Variants in DHRS4 observed in about 807,000 individuals in gnomAD.
DHRS4 encodes the protein dehydrogenase/reductase SDR family member 4.
In DHRS4, 20 loss-of-function variants were observed where a neutral mutation model predicts 28.4. The ratio of observed to expected loss-of-function variants is 0.71; its 90% CI spans 0.50 to 1.02. DHRS4 has a LOEUF of 1.02. DHRS4 is among the 50% of genes least tolerant of loss of function. The pLI is 0.00. For missense variants in DHRS4, 378 were observed against 367.2 expected, an observed-to-expected ratio of 1.03 and a Z score of -0.24; for synonymous variants, 144 against 146.4, an observed-to-expected ratio of 0.98 and a Z score of 0.12.
intron 2 of DHRS4, among the ~76,000 whole-genome samples, chr14:23,958,859 A>C (rs2033282653): frequency 1.3e-5 from 2 of 152,176 alleles, no homozygotes; most frequent in South Asian, 4.1e-4. Context: ...CAGAATAAGC[A>C]GGCCTCCTGT....
At chr14:23,961,416 TTC>T (rs2033408149) in intron 3 of DHRS4, among the ~76,000 whole-genome samples, 1 of 130,096 alleles carries the variant, frequency 7.7e-6, no homozygotes, top group African/African-American at 4.2e-5. Flanking sequence ...TCAAAATAAC[TTC>T]TCTTTCTTAA....
Position 23,966,267 on chromosome 14 carries a change from T to A in DHRS4, c.532-16T>A, listed in dbSNP as rs2033613935. On this transcript the variant is annotated splice_polypyrimidine_tract_variant and intron_variant, in intron 5 of 7. Transcript: ENST00000313250. ...CCTGGAAACTATGAGTCTAACACAT[T>A]CTCTTCTTTCTCCAGGGCTTCAGTC... 6.2e-7 allele frequency: 1 copy of A among 1,608,068 alleles called. No individual in the cohort carries two copies. Among genetic ancestry groups the A allele is most frequent in the Non-Finnish European group, 8.5e-7 (1 of 1,177,202 alleles).
chr14:23,966,065 T>A, intron 5 of DHRS4, 82 bp downstream of exon 5: 1 of 1,606,774 alleles, frequency 6.2e-7, no homozygotes, highest in Non-Finnish European at 8.5e-7. Flanking sequence ...AGGAAGTTTG[T>A]GTCCCCTTGT....
intron 2 of DHRS4, among the ~76,000 whole-genome samples, chr14:23,956,147 A>G (rs2033133939): frequency 1.3e-5 from 2 of 152,260 alleles, no homozygotes; most frequent in South Asian, 4.1e-4. Flanking sequence ...TGCATTGGAA[A>G]GAGCCAAATA....
intron 1 of DHRS4, among the ~76,000 whole-genome samples, chr14:23,954,625 C>T (rs1341081050): frequency 7.9e-5 from 12 of 152,194 alleles, no homozygotes; most frequent in Non-Finnish European, 1.5e-5. Context: ...CAAAAAATAA[C>T]TAAGGATAGA....
chr14:23,969,034 T>A lies in DHRS4; in HGVS notation c.*163T>A. On this transcript the variant is annotated 3_prime_UTR_variant, in exon 8 of 8. Coordinates refer to ENST00000313250, the MANE Select transcript of DHRS4 (RefSeq NM_021004.4). ...AGCCTTCCCTGCCGTCAAGGTGGCG[T>A]CTTACTCGGGATTTCTGCTGTTGTT... 1 of 1,338,142 alleles carries A rather than the reference T, an allele frequency of 7.5e-7. No individual in the cohort carries two copies. Among genetic ancestry groups the A allele is most frequent in the Non-Finnish European group, 9.9e-7 (1 of 1,008,570 alleles). 82.9% of individuals were successfully genotyped at this position (1,338,142 alleles called of 1,614,324 possible).
At chr14:23,955,006 T>A (rs2033048475) in intron 1 of DHRS4, 29 bp from the exon 2 acceptor site, 1 of 1,613,776 alleles carries the variant, frequency 6.2e-7, no homozygotes, top group African/African-American at 1.3e-5. Context: ...GCACAGGCCT[T>A]AGCAGTCTTT....
At chr14:23,960,671 GTCTT>G (rs1385906788) in intron 3 of DHRS4, among the ~76,000 whole-genome samples, 1 of 151,816 alleles carries the variant, frequency 6.6e-6, no homozygotes, top group Non-Finnish European at 1.5e-5. Flanking sequence ...TAAAATATTT[GTCTT>G]TGTTTATTAA....
In DHRS4 at chr14:23,959,535, A is replaced by G. The variant is rs192353781; in HGVS notation, c.307-367A>G. 2.9e-3 allele frequency among the ~76,000 whole-genome samples: 445 copies of G among 152,284 alleles called. 9 individuals carry two copies. The highest frequency in any genetic ancestry group is 0.026 in the Admixed American group (401 of 15,296). The stretch of plus-strand genomic sequence containing the variant: ...AACATGCCACTGTGCTCCAGTCTGG[A>G]TGACAGAGCAAGACTCCGTCTAAAA... On this transcript the variant is annotated intron_variant, in intron 2 of 7. Transcript: ENST00000313250.
intron 1 of DHRS4, chr14:23,954,220 G>T: frequency 6.5e-6 from 2 of 307,288 alleles, no homozygotes; most frequent in Non-Finnish European, 1.2e-5. Context: ...CTAGCGTCTG[G>T]GAAGACCAGA....
Position 23,968,779 on chromosome 14 carries a change from G to A in DHRS4, c.745G>A (p.Ala249Thr), listed in dbSNP as rs1172996741. 2.5e-6 allele frequency: 4 copies of A among 1,604,650 alleles called. No homozygotes were observed. The African/African-American group carries it at 4.0e-5, about 16-fold the overall frequency. Reference protein sequence around the residue: ...IRRLGEPEDCAGIVSFLCSED... With the variant: ...IRRLGEPEDCTGIVSFLCSED... ...CAGGTTAGGCGAGCCAGAGGATTGT[G>A]CTGGCATCGTGTCTTTCCTGTGCTC... Residue 249 changes from alanine (A) to threonine (T), a missense_variant, in exon 8 of 8, where the codon GCT becomes ACT. Physicochemically the swap from Ala to Thr is moderately conservative, Grantham distance 58. Transcript: ENST00000313250.
At chr14:23,966,050 A>G (rs1052833239) in intron 5 of DHRS4, 67 bp downstream of exon 5, 17 of 1,607,428 alleles carry the variant, frequency 1.1e-5, no homozygotes, top group Non-Finnish European at 1.4e-5. Context: ...CCCTCCTATT[A>G]CCCAAGGAAG....
intron 6 of DHRS4, 59 bp downstream of exon 6, chr14:23,966,476 G>C (rs1472926821): frequency 1.6e-5 from 26 of 1,604,104 alleles, no homozygotes; most frequent in African/African-American, 5.4e-5. Flanking sequence ...CATCTTCTTG[G>C]ACAGGGAAGC....
At position 23,955,107 on chromosome 14, in the gene DHRS4, G is replaced by C. The variant is rs758950587; in HGVS notation, c.201G>C (p.Gln67His). The change falls in exon 2 of 8, where the codon CAG (glutamine) becomes CAC (histidine). Residue 67 changes from glutamine to histidine, a missense_variant. By Grantham distance (24) the Gln-to-His change is conservative. Transcript: ENST00000313250. ...TGGTCGTCAGCAGCCGGAAGCAGCA[G>C]AATGTGGACCAGGCGGTGGCCACGC... Reference protein sequence around the residue: ...AHVVVSSRKQQNVDQAVATLQ... With the variant: ...AHVVVSSRKQHNVDQAVATLQ... The C allele has an allele frequency of 1.6e-5, 26 of 1,614,056 alleles. No individual in the cohort carries two copies. Among genetic ancestry groups the C allele is most frequent in the Non-Finnish European group, 2.1e-5 (25 of 1,180,000 alleles).
At chr14:23,958,649 A>C (rs940418326) in intron 2 of DHRS4, among the ~76,000 whole-genome samples, 6 of 152,158 alleles carry the variant, frequency 3.9e-5, no homozygotes, top group African/African-American at 1.4e-4. Context: ...ATCATAACCA[A>C]ATATGGAATT....
intron 3 of DHRS4, among the ~76,000 whole-genome samples, chr14:23,964,220 T>TA (rs71119059): frequency 0.037 from 1,256 of 34,378 alleles, 187 homozygotes; most frequent in Non-Finnish European, 0.053. Flanking sequence ...CTGCAATTTG[T>TA]AAAAAAAAAA....
intron 3 of DHRS4, among the ~76,000 whole-genome samples, chr14:23,964,051 TA>T (rs1202632919): frequency 6.6e-6 from 1 of 150,886 alleles, no homozygotes; most frequent in East Asian, 1.9e-4. Flanking sequence ...ACAATTATAA[TA>T]AAACCATGAA....
At chr14:23,961,526 T>C in intron 3 of DHRS4, among the ~76,000 whole-genome samples, 1 of 100,510 alleles carries the variant, frequency 9.9e-6, no homozygotes, top group Non-Finnish European at 1.8e-5. Context: ...TCTGTCTTTT[T>C]TCCTTTTTTT....
intron 1 of DHRS4, chr14:23,954,162 G>C (rs2032981444): frequency 3.6e-6 from 2 of 557,488 alleles, no homozygotes; most frequent in Non-Finnish European, 6.2e-6. Flanking sequence ...CAGCCCTATC[G>C]ATCTAGTCTC....
Sources: allele counts gnomAD v4.1 joint callset (sites outside exome capture counted in the v4.1 genomes callset), GRCh38; gene constraint gnomAD v4.1.1; transcripts MANE v1.5; gene names NCBI Gene and HGNC (gene_info 2026-07-23, HGNC 2026-07-21).